MED4: variants seen among roughly 807,000 people sequenced by gnomAD.
MED4 encodes the protein mediator complex subunit 4.
Under a neutral mutation model 35.0 loss-of-function variants are expected in MED4, and 21 were observed. That is an observed-to-expected ratio of 0.60 (90% CI 0.43 to 0.86). The LOEUF (loss-of-function observed/expected upper bound fraction) is 0.86, where lower values mean the gene tolerates loss of function less well. Ranked by LOEUF, MED4 falls within the 40% of genes least tolerant of loss-of-function variation. MED4 has a pLI of 0.00. For missense variants in MED4, 300 were observed against 319.4 expected, an observed-to-expected ratio of 0.94 and a Z score of 0.46; for synonymous variants, 138 against 114.0, an observed-to-expected ratio of 1.21 and a Z score of -1.34.
At position 48,076,349 on chromosome 13, in the gene MED4, C is replaced by T. The variant is rs1160415103; in HGVS notation, c.*790G>A. ...GGTGAAGGGAAGAAATGGTTGCTTTCCATTCTAAATCTTCACACAATCTAT... is the reference window on the plus strand; with the variant it reads ...GGTGAAGGGAAGAAATGGTTGCTTTTCATTCTAAATCTTCACACAATCTAT... On this transcript the variant is annotated 3_prime_UTR_variant, in exon 7 of 7. Transcript: ENST00000258648. The T allele has an allele frequency of 6.6e-6, 1 of 152,070 alleles. No homozygotes were observed. The highest frequency in any genetic ancestry group is 1.5e-5 in the Non-Finnish European group (1 of 67,994). 9.4% of individuals were successfully genotyped at this position (152,070 alleles called of 1,614,324 possible).
chr13:48,094,312 A>C (rs1054931114), intron 1 of MED4, among the ~76,000 whole-genome samples: 3 of 152,208 alleles, frequency 2.0e-5, no homozygotes, highest in Non-Finnish European at 4.4e-5. Context: ...GGAAGGCTTC[A>C]ACTTGAAAGA....
At chr13:48,089,839 C>T (rs1482446915) in intron 2 of MED4, among the ~76,000 whole-genome samples, 1 of 152,166 alleles carries the variant, frequency 6.6e-6, no homozygotes, top group Non-Finnish European at 1.5e-5. Context: ...AGTCTGTTCA[C>T]CCACCATGGA....
At chr13:48,078,979 A>G (rs1950783478) in intron 6 of MED4, among the ~76,000 whole-genome samples, 1 of 152,156 alleles carries the variant, frequency 6.6e-6, no homozygotes, top group African/African-American at 2.4e-5. Context: ...CCTTTTTTAA[A>G]TGCCTTTTTC....
chr13:48,087,782 G>A lies in MED4; in HGVS notation c.193-1330C>T, dbSNP rs573595579. 6.6e-5 allele frequency among the ~76,000 whole-genome samples: 10 copies of A among 152,060 alleles called. No individual in the cohort carries two copies. The East Asian group carries it at 1.2e-3, about 18-fold the overall frequency. On this transcript the variant is annotated intron_variant, in intron 2 of 6. Coordinates refer to ENST00000258648, the MANE Select transcript of MED4 (RefSeq NM_014166.4). ...GAAGAATTGCTTGAACCCAGGAGGC[G>A]GAGGTTGCTGTGAACCCAGATCACG...
At chr13:48,078,397 G>A (rs1191804712) in intron 6 of MED4, among the ~76,000 whole-genome samples, 1 of 152,150 alleles carries the variant, frequency 6.6e-6, no homozygotes, top group East Asian at 1.9e-4. Flanking sequence ...CTCCTTTACT[G>A]CTGTGATGCC....
intron 2 of MED4, among the ~76,000 whole-genome samples, chr13:48,089,490 G>A (rs1238623624): frequency 3.9e-5 from 6 of 152,062 alleles, no homozygotes; most frequent in Admixed American, 3.3e-4. Flanking sequence ...CCAGCACTTT[G>A]GTAGGCCAAG....
chr13:48,090,726 TAA>T (rs1307733795), intron 1 of MED4, among the ~76,000 whole-genome samples: 1 of 152,196 alleles, frequency 6.6e-6, no homozygotes, highest in Non-Finnish European at 1.5e-5. Context: ...GGAAAAGTCA[TAA>T]AAACTAAGGG....
Position 48,086,208 on chromosome 13 carries a change from T to C in MED4, c.363+74A>G, listed in dbSNP as rs536348828. 8.2e-5 allele frequency: 116 copies of C among 1,420,886 alleles called. No individual in the cohort carries two copies. In the African/African-American group the frequency reaches 1.0e-3, roughly 13 times the overall value. 88.0% of individuals were successfully genotyped at this position (1,420,886 alleles called of 1,614,324 possible). A position where few individuals can be genotyped will look rare whatever the true frequency, so the allele number is the denominator to read the frequency against. ...GTCTAGTTTTCTGCTCTTCAAAATA[T>C]TGATAACAGATTTTTCAGAAACAGA... On this transcript the variant is annotated intron_variant, in intron 3 of 6. Transcript: ENST00000258648.
intron 1 of MED4, among the ~76,000 whole-genome samples, chr13:48,094,636 C>G (rs1950913992): frequency 6.6e-6 from 1 of 152,176 alleles, no homozygotes; most frequent in Non-Finnish European, 1.5e-5. Context: ...CAGCTGGCAT[C>G]CAGTCTACCC....
In MED4 at chr13:48,076,959, C is replaced by T; in HGVS notation, c.*180G>A. ...TCTACCTAGTGGCTTAAAACTAAAA[C>T]TATGGTCTTTGGCTTTAAAAAGAAA... is the stretch of plus-strand genomic sequence containing the variant. On this transcript the variant is annotated 3_prime_UTR_variant, in exon 7 of 7. Coordinates refer to ENST00000258648, the MANE Select transcript of MED4 (RefSeq NM_014166.4). 2.0e-6 allele frequency: 1 copy of T among 502,656 alleles called. No individual in the cohort carries two copies. 31.1% of individuals were successfully genotyped at this position (502,656 alleles called of 1,614,324 possible).
chr13:48,084,470 CTCAA>C lies in MED4; in HGVS notation c.364-1046_364-1043del, dbSNP rs199509972. ...AGGCACAGGGCCTGGTGCCTAAGTG[CTCAA>C]TCAATGTTAGTTACTACTATTTAAG... On this transcript the variant is annotated intron_variant, in intron 3 of 6. Transcript: ENST00000258648. 7.7e-3 allele frequency among the ~76,000 whole-genome samples: 1,173 copies of C among 152,310 alleles called. 20 individuals carry two copies. The highest frequency in any genetic ancestry group is 0.026 in the African/African-American group (1,068 of 41,564).
chr13:48,078,644 A>G (rs1460810133), intron 6 of MED4, among the ~76,000 whole-genome samples: 1 of 152,130 alleles, frequency 6.6e-6, no homozygotes, highest in African/African-American at 2.4e-5. Context: ...CAGCACCATG[A>G]TATGAGAGTA....
intron 3 of MED4, among the ~76,000 whole-genome samples, chr13:48,084,649 T>C (rs892591757): frequency 6.6e-6 from 1 of 152,176 alleles, no homozygotes; most frequent in African/African-American, 2.4e-5. Context: ...TCCTGCTAAC[T>C]ACAATTACCT....
Position 48,086,386 on chromosome 13 carries a change from C to G in MED4, c.259G>C (p.Gly87Arg), listed in dbSNP as rs1209193522. The G allele has an allele frequency of 6.2e-7, 1 of 1,613,362 alleles. No homozygotes were observed. The highest frequency in any genetic ancestry group is 1.1e-5 in the South Asian group (1 of 91,034). Residue 87 changes from glycine to arginine, a missense_variant, in exon 3 of 7, where the codon GGA (glycine) becomes CGA (arginine). Gly to Arg is a moderately radical substitution (Grantham distance 125). Transcript: ENST00000258648. ...ACTTGCATTTCATGATGAATTTTTC[C>G]CTGATTAAGTGCCAATTTCATTAGT... ...QELMKLALNQGKIHHEMQVLE... is the reference protein window; with the variant it reads ...QELMKLALNQRKIHHEMQVLE...
Position 48,086,393 on chromosome 13 carries a change from A to C in MED4, c.252T>G (p.Leu84=). The C allele has an allele frequency of 1.2e-6, 2 of 1,613,570 alleles. No individual in the cohort carries two copies. Among genetic ancestry groups the C allele is most frequent in the Non-Finnish European group, 1.7e-6 (2 of 1,179,858 alleles). Residue 84 remains leucine (L), a synonymous_variant, in exon 3 of 7, where the codon CTT becomes CTG. Coordinates refer to ENST00000258648, the MANE Select transcript of MED4 (RefSeq NM_014166.4). ...TTTCATGATGAATTTTTCCCTGATT[A>C]AGTGCCAATTTCATTAGTTCTTGAA... The part of the protein sequence containing the change: ...GEFQELMKLA[L]NQGKIHHEMQ...
In MED4 at chr13:48,081,697, T is replaced by G; in HGVS notation, c.456A>C (p.Ala152=). The G allele has an allele frequency of 6.2e-7, 1 of 1,611,962 alleles. No individual in the cohort carries two copies. The highest frequency in any genetic ancestry group is 8.5e-7 in the Non-Finnish European group (1 of 1,179,136). The part of the protein sequence containing the change: ...AISSEEIIKY[A]HRISASNAVC... The stretch of plus-strand genomic sequence containing the variant: ...CAGCATTACTTGCACTGATCCTATG[T>G]GCATACTTAATTATTTCTTCAGAGG... The change falls in exon 5 of 7, where the codon GCA becomes GCC. Residue 152 remains alanine (A), a synonymous_variant. Transcript: ENST00000258648.
At chr13:48,085,977 G>GAT (rs1950845752) in intron 3 of MED4, among the ~76,000 whole-genome samples, 1 of 150,736 alleles carries the variant, frequency 6.6e-6, no homozygotes, top group Admixed American at 6.6e-5. Flanking sequence ...TTAGACTACT[G>GAT]ATAATTAAAA....
intron 2 of MED4, among the ~76,000 whole-genome samples, chr13:48,090,053 T>C (rs1950879992): frequency 6.6e-6 from 1 of 152,198 alleles, no homozygotes; most frequent in Non-Finnish European, 1.5e-5. Context: ...CAACAAGCCT[T>C]TCTTGGTTAA....
chr13:48,090,494 G>A (rs534029240), intron 1 of MED4, 76 bp from the exon 2 acceptor site: 19 of 1,127,782 alleles, frequency 1.7e-5, no homozygotes, highest in Middle Eastern at 4.1e-4. Context: ...CCTACAGTCC[G>A]CTATTGACTG....
Sources: gnomAD v4.1 joint callset for allele counts (sites outside exome capture counted in the v4.1 genomes callset) on GRCh38, gnomAD v4.1.1 for gene constraint, MANE v1.5 for transcripts, NCBI Gene and HGNC (gene_info 2026-07-23, HGNC 2026-07-21) for gene names.